The following RFX4 variants were observed in gnomAD, a reference collection of about 807,000 sequenced individuals.
The protein encoded by RFX4 is regulatory factor X4, also known as transcription factor RFX4.
A neutral mutation model predicts 95.0 loss-of-function variants in RFX4; 10 were observed. The ratio of observed to expected loss-of-function variants is 0.11; its 90% CI spans 0.06 to 0.18. The LOEUF (loss-of-function observed/expected upper bound fraction) is 0.18, where lower values mean the gene tolerates loss of function less well. Ranked by LOEUF, RFX4 falls within the 10% of genes least tolerant of loss-of-function variation. The probability of loss-of-function intolerance (pLI) is 1.00; values close to 1 mark genes in which losing one functional copy is unlikely to be tolerated. For synonymous variants in RFX4, 321 were observed against 340.7 expected, an observed-to-expected ratio of 0.94 and a Z score of 0.64; for missense variants, 640 against 922.0, an observed-to-expected ratio of 0.69 and a Z score of 3.96.
chr12:106,657,058 TC>T (rs779765647), intron 4 of RFX4, among the ~76,000 whole-genome samples: 1 of 152,208 alleles, frequency 6.6e-6, no homozygotes, highest in Non-Finnish European at 1.5e-5. Context: ...GCTAAGGGTT[TC>T]CACACTGAGC....
chr12:106,618,609 C>T (rs1254809444), intron 2 of RFX4, among the ~76,000 whole-genome samples: 1 of 151,850 alleles, frequency 6.6e-6, no homozygotes, highest in Admixed American at 6.6e-5. Context: ...ATATCTTTTT[C>T]ATCTTTTTAT....
At chr12:106,715,271 G>A (rs1946098050) in intron 10 of RFX4, 129 bp from the exon 11 acceptor site, 1 of 1,043,882 alleles carries the variant, frequency 9.6e-7, no homozygotes, top group Admixed American at 2.8e-5. Context: ...TCCTGAAATT[G>A]AATTTCCCGG....
At chr12:106,741,896 G>A (rs575928252) in intron 15 of RFX4, among the ~76,000 whole-genome samples, 4 of 152,286 alleles carry the variant, frequency 2.6e-5, no homozygotes, top group South Asian at 2.1e-4. Context: ...TCCCTTGCAT[G>A]TGCAGTTCAT....
At chr12:106,617,526 A>G (rs2040097770) in intron 2 of RFX4, among the ~76,000 whole-genome samples, 1 of 152,096 alleles carries the variant, frequency 6.6e-6, no homozygotes, top group Non-Finnish European at 1.5e-5. Context: ...TTAATGTCCA[A>G]ACATTCATAG....
intron 8 of RFX4, among the ~76,000 whole-genome samples, 171 bp downstream of exon 8, chr12:106,696,617 TG>T (rs1183564629): frequency 2.6e-5 from 4 of 152,206 alleles, no homozygotes; most frequent in African/African-American, 9.6e-5. Context: ...ATAAATAAAC[TG>T]TTAATATTTT....
chr12:106,687,182 T>TCACACACA (rs56006444), intron 6 of RFX4, 85 bp downstream of exon 6: 53 of 547,182 alleles, frequency 9.7e-5, no homozygotes, highest in African/African-American at 1.7e-4. Flanking sequence ...TCTCTCTCTC[T>TCACACACA]CACACACACA....
intron 3 of RFX4, among the ~76,000 whole-genome samples, chr12:106,647,852 A>G (rs972594219): frequency 6.6e-6 from 1 of 152,228 alleles, no homozygotes; most frequent in Non-Finnish European, 1.5e-5. Flanking sequence ...AGTTTCTCTC[A>G]TTTTACAGAT....
At chr12:106,709,499 T>C (rs1404131113) in intron 9 of RFX4, 69 bp downstream of exon 9, 3 of 1,220,066 alleles carry the variant, frequency 2.5e-6, no homozygotes, top group African/African-American at 3.1e-5. Context: ...TTACATAAGT[T>C]GTTAATAGTA....
intron 8 of RFX4, 104 bp from the exon 9 acceptor site, chr12:106,709,226 G>T: frequency 1.2e-6 from 1 of 850,946 alleles, no homozygotes; most frequent in Non-Finnish European, 1.9e-6. Flanking sequence ...GGCACCTATT[G>T]GTAGCAGCCA....
At chr12:106,707,663 T>G (rs2042110823) in intron 8 of RFX4, among the ~76,000 whole-genome samples, 1 of 149,424 alleles carries the variant, frequency 6.7e-6, no homozygotes. Flanking sequence ...AGGAGCGGGG[T>G]GAGGAGGGAA....
chr12:106,696,471 C>T lies in RFX4; in HGVS notation c.833+25C>T, dbSNP rs746453617. ...GGTGGGCATGCTTATTCTTGTCTTC[C>T]TTCACGGCTGGTCCACAGAAGGGAT... On this transcript the variant is annotated intron_variant, in intron 8 of 17. Coordinates refer to ENST00000392842, the MANE Select transcript of RFX4 (RefSeq NM_213594.3). 1.4e-5 allele frequency: 22 copies of T among 1,613,080 alleles called. No individual in the cohort carries two copies. In the East Asian group the frequency reaches 4.5e-4, roughly 33 times the overall value.
intron 3 of RFX4, among the ~76,000 whole-genome samples, chr12:106,644,136 A>G (rs969036494): frequency 5.3e-5 from 8 of 152,094 alleles, no homozygotes; most frequent in Admixed American, 2.0e-4. Flanking sequence ...GAATGTCCTG[A>G]AGCTACACTC....
At chr12:106,701,924 G>A (rs2041999558) in intron 8 of RFX4, among the ~76,000 whole-genome samples, 1 of 152,090 alleles carries the variant, frequency 6.6e-6, no homozygotes, top group African/African-American at 2.4e-5. Flanking sequence ...GCTGAGGCGG[G>A]AAAATTAATT....
In RFX4 at chr12:106,724,705, AAAC is replaced by A. The variant is rs773111727; in HGVS notation, c.1351+3838_1351+3840del. ...GGCACCCACAGATGTTCACTTAAAAAAACAACAACAAAAAACTATTAAAGGATG... is the reference window on the plus strand; with the variant it reads ...GGCACCCACAGATGTTCACTTAAAAAAACAACAAAAAACTATTAAAGGATG... On this transcript the variant is annotated intron_variant, in intron 13 of 17. Coordinates refer to ENST00000392842, the MANE Select transcript of RFX4 (RefSeq NM_213594.3). Among the ~76,000 whole-genome samples the A allele has an allele frequency of 1.0e-3, 153 of 152,258 alleles. 1 individual carries two copies. Among genetic ancestry groups the A allele is most frequent in the South Asian group, 3.3e-3 (16 of 4,822 alleles).
rs79879723 is a variant in RFX4, at chr12:106,686,851, T to C, written c.378-33T>C. The C allele has an allele frequency of 3.5e-3, 5,211 of 1,478,984 alleles. 55 individuals carry two copies. The African/African-American group carries it at 0.047, about 13-fold the overall frequency. The allele number at this position is 1,478,984 out of a possible 1,614,324, so 91.6% of individuals were successfully genotyped here. Reference sequence around the variant, plus strand: ...TGTGGGTCTCTCTCTTTTTTTTTTTTTCTCTCTCTCCCTCCCTCCCCTTGT... The same window carrying C: ...TGTGGGTCTCTCTCTTTTTTTTTTTCTCTCTCTCTCCCTCCCTCCCCTTGT... On this transcript the variant is annotated intron_variant, in intron 5 of 17. Coordinates refer to ENST00000392842, the MANE Select transcript of RFX4 (RefSeq NM_213594.3).
intron 1 of RFX4, among the ~76,000 whole-genome samples, chr12:106,593,582 A>G (rs1164872625): frequency 6.6e-6 from 1 of 152,246 alleles, no homozygotes; most frequent in Non-Finnish European, 1.5e-5. Flanking sequence ...CATTTTGTGA[A>G]TAAAATGATG....
At chr12:106,722,588 A>C (rs1488788786) in intron 13 of RFX4, among the ~76,000 whole-genome samples, 1 of 152,218 alleles carries the variant, frequency 6.6e-6, no homozygotes, top group Non-Finnish European at 1.5e-5. Flanking sequence ...ATATACTGGA[A>C]ACTCAGGCAA....
At chr12:106,608,663 G>A in intron 1 of RFX4, 134 bp from the exon 2 acceptor site, 1 of 831,456 alleles carries the variant, frequency 1.2e-6, no homozygotes, top group Non-Finnish European at 1.8e-6. Context: ...CTGGGCAGAT[G>A]CCACATGAAT....
At position 106,732,139 on chromosome 12, in the gene RFX4, A is replaced by G; in HGVS notation, c.1361A>G (p.His454Arg). 6.2e-7 allele frequency: 1 copy of G among 1,613,298 alleles called. No homozygotes were observed. Among genetic ancestry groups the G allele is most frequent in the Non-Finnish European group, 8.5e-7 (1 of 1,179,550 alleles). ...LHSAPSFGSFHLIHLMFDDYV... is the reference protein window; with the variant it reads ...LHSAPSFGSFRLIHLMFDDYV... ...TCCTTTTTTTCACCAGGGTCTTTTC[A>G]CCTAATTCACTTAATGTTTGATGAC... The change falls in exon 14 of 18, where the codon CAC becomes CGC. Residue 454 changes from histidine (H) to arginine (R), a missense_variant. By Grantham distance (29) the His-to-Arg change is conservative. This residue lies in a region of RFX4 where 20 missense variants were observed against 52.3 expected (regional missense o/e 0.38). Transcript: ENST00000392842.
Sources: allele counts gnomAD v4.1 joint callset (sites outside exome capture counted in the v4.1 genomes callset), GRCh38; gene constraint gnomAD v4.1.1; regional missense constraint gnomAD v4.1.1; transcripts MANE v1.5; gene names NCBI Gene and HGNC (gene_info 2026-07-23, HGNC 2026-07-21).